The following MAD1L1 variants were observed in gnomAD, a reference collection of about 807,000 sequenced individuals.
MAD1L1 encodes mitotic arrest deficient 1 like 1, also known as mitotic spindle assembly checkpoint protein MAD1.
A neutral mutation model predicts 96.9 loss-of-function variants in MAD1L1; 95 were observed. The observed-to-expected ratio is 0.98, with a 90% CI of 0.83 to 1.16. MAD1L1 has a LOEUF of 1.16. Ranked by LOEUF, MAD1L1 falls within the 50% of genes most tolerant of loss-of-function variation. MAD1L1 has a pLI of 0.00. For missense variants in MAD1L1, 1,007 were observed against 954.4 expected, an observed-to-expected ratio of 1.06 and a Z score of -0.73; for synonymous variants, 473 against 396.6, an observed-to-expected ratio of 1.19 and a Z score of -2.29.
chr7:2,105,052 C>T (rs1363827719), intron 11 of MAD1L1, among the ~76,000 whole-genome samples: 4 of 152,178 alleles, frequency 2.6e-5, no homozygotes, highest in African/African-American at 9.7e-5. Flanking sequence ...AGCCCGGCTT[C>T]CCCAGGGGCC....
At chr7:2,089,570 C>T (rs977950024) in intron 11 of MAD1L1, among the ~76,000 whole-genome samples, 2 of 152,114 alleles carry the variant, frequency 1.3e-5, no homozygotes, top group African/African-American at 4.8e-5. Flanking sequence ...GGGAAAGCAA[C>T]CAAGCCCCAA....
intron 11 of MAD1L1, among the ~76,000 whole-genome samples, chr7:2,125,141 T>A (rs1463017230): frequency 2.0e-5 from 3 of 152,050 alleles, no homozygotes; most frequent in African/African-American, 7.2e-5. Context: ...CACAGAAAGG[T>A]TGCGTCAGAC....
chr7:2,086,082 G>A lies in MAD1L1; in HGVS notation c.1074-16744C>T, dbSNP rs554465528. Among the ~76,000 whole-genome samples, 9 of 152,296 alleles carry A rather than the reference G, an allele frequency of 5.9e-5. No individual in the cohort carries two copies. In the East Asian group the frequency reaches 1.4e-3, roughly 23 times the overall value. ...CGGGAGGACTCCACGCTGCGGGGGA[G>A]GACGGCAAGACCCGTCACCTCCCTC... On this transcript the variant is annotated intron_variant, in intron 11 of 18. Coordinates refer to ENST00000265854, the MANE Select transcript of MAD1L1 (RefSeq NM_001013836.2).
Position 2,037,233 on chromosome 7 carries a change from G to T in MAD1L1, c.1219-22591C>A, listed in dbSNP as rs534087957. Among the ~76,000 whole-genome samples the T allele has an allele frequency of 2.3e-4, 34 of 147,712 alleles. No homozygotes were observed. In the South Asian group the frequency reaches 6.6e-3, roughly 29 times the overall value. ...TTTTTTTTTTTTTTTTTTAGAACGG[G>T]TTTAGATTTAGAAGAATGGAGAAGA... On this transcript the variant is annotated intron_variant, in intron 12 of 18. Coordinates refer to ENST00000265854, the MANE Select transcript of MAD1L1 (RefSeq NM_001013836.2).
chr7:2,078,134 G>A (rs545861541), intron 11 of MAD1L1, among the ~76,000 whole-genome samples: 9 of 152,288 alleles, frequency 5.9e-5, no homozygotes, highest in East Asian at 1.9e-4. Flanking sequence ...AGACCGGCAC[G>A]ACAGACGCAG....
intron 16 of MAD1L1, among the ~76,000 whole-genome samples, chr7:1,942,548 G>A (rs926252790): frequency 1.3e-5 from 2 of 152,160 alleles, no homozygotes; most frequent in Non-Finnish European, 2.9e-5. Flanking sequence ...ACGGCCCTAT[G>A]TCCTATACAA....
At chr7:2,168,807 C>A (rs1252265538) in intron 10 of MAD1L1, among the ~76,000 whole-genome samples, 1 of 152,232 alleles carries the variant, frequency 6.6e-6, no homozygotes, top group Admixed American at 6.5e-5. Context: ...AGGGGGCAGA[C>A]ACACGGGGCG....
At chr7:2,150,955 G>T (rs574203669) in intron 10 of MAD1L1, among the ~76,000 whole-genome samples, 3 of 152,232 alleles carry the variant, frequency 2.0e-5, no homozygotes, top group Non-Finnish European at 4.4e-5. Flanking sequence ...GGCAAACCGG[G>T]GTTAGAAAGC....
intron 12 of MAD1L1, among the ~76,000 whole-genome samples, chr7:2,066,775 G>A (rs1331469845): frequency 6.6e-6 from 1 of 152,212 alleles, no homozygotes; most frequent in Non-Finnish European, 1.5e-5. Flanking sequence ...ATCACGGCCG[G>A]GAGCCCTGGC....
rs190296847 is a variant in MAD1L1 at position 1,953,750 on chromosome 7, T to C, written c.1596+3879A>G. The stretch of plus-strand genomic sequence containing the variant: ...GCAAACTTCCCTCAACTTCACAACG[T>C]ATCTTTAAATGTTCATCATCAAATG... On this transcript the variant is annotated intron_variant, in intron 16 of 18. Coordinates refer to ENST00000265854, the MANE Select transcript of MAD1L1 (RefSeq NM_001013836.2). Among the ~76,000 whole-genome samples, 316 of 152,306 alleles carry C rather than the reference T, an allele frequency of 2.1e-3. 6 individuals are homozygous for C. Among genetic ancestry groups the C allele is most frequent in the Admixed American group, 0.014 (208 of 15,306 alleles).
At chr7:2,081,161 G>C (rs1785624032) in intron 11 of MAD1L1, among the ~76,000 whole-genome samples, 1 of 151,882 alleles carries the variant, frequency 6.6e-6, no homozygotes, top group Admixed American at 6.6e-5. Flanking sequence ...AGCGGGAAGG[G>C]TGTTTGGAAA....
chr7:1,865,148 C>T (rs1025818118), intron 18 of MAD1L1, among the ~76,000 whole-genome samples: 2 of 152,162 alleles, frequency 1.3e-5, no homozygotes, highest in South Asian at 2.1e-4. Flanking sequence ...CTGGGACTCC[C>T]GGAAGGGGGC....
At chr7:2,033,468 C>T (rs1330551829) in intron 12 of MAD1L1, among the ~76,000 whole-genome samples, 1 of 152,344 alleles carries the variant, frequency 6.6e-6, no homozygotes, top group African/African-American at 2.4e-5. Flanking sequence ...TCCCAAAACG[C>T]CACTTAAAAA....
chr7:2,033,797 A>G (rs1315772518), intron 12 of MAD1L1, among the ~76,000 whole-genome samples: 1 of 152,222 alleles, frequency 6.6e-6, no homozygotes, highest in Non-Finnish European at 1.5e-5. Flanking sequence ...ACACCCTTCC[A>G]CTCAGTAACA....
At chr7:1,900,441 C>T (rs1002420007) in intron 17 of MAD1L1, among the ~76,000 whole-genome samples, 12 of 152,206 alleles carry the variant, frequency 7.9e-5, no homozygotes, top group Non-Finnish European at 1.5e-4. Context: ...CCTCCTCCCT[C>T]CGTTGCTGGC....
intron 11 of MAD1L1, among the ~76,000 whole-genome samples, chr7:2,137,851 G>T (rs1425819120): frequency 6.6e-6 from 1 of 152,216 alleles, no homozygotes; most frequent in Admixed American, 6.5e-5. Flanking sequence ...GCAGGAGGTG[G>T]ACGTATGGGG....
intron 18 of MAD1L1, among the ~76,000 whole-genome samples, chr7:1,882,051 G>C (rs1474259340): frequency 2.0e-5 from 3 of 152,116 alleles, no homozygotes; most frequent in Non-Finnish European, 2.9e-5. Flanking sequence ...GCCTCCGCCT[G>C]CTTGAACCTG....
chr7:2,069,351 G>T lies in MAD1L1; in HGVS notation c.1074-13C>A, dbSNP rs1254427434. 1.3e-6 allele frequency: 2 copies of T among 1,575,294 alleles called. No individual in the cohort carries two copies. The highest frequency in any genetic ancestry group is 1.7e-6 in the Non-Finnish European group (2 of 1,166,932). Reference sequence around the variant, plus strand: ...CAGCCCCCGGGCGCTGCATGGGAGAGACAAGAGGGCAAAGCAATGAAGCCT... The same window carrying T: ...CAGCCCCCGGGCGCTGCATGGGAGATACAAGAGGGCAAAGCAATGAAGCCT... On this transcript the variant is annotated splice_polypyrimidine_tract_variant and intron_variant, in intron 11 of 18. Transcript: ENST00000265854.
intron 18 of MAD1L1, chr7:1,849,114 GCACA>G (rs756489441): frequency 9.5e-6 from 1 of 105,034 alleles, no homozygotes; most frequent in Non-Finnish European, 2.0e-5. Flanking sequence ...ACATACACGT[GCACA>G]CACAGACATG....
Sources: gnomAD v4.1 joint callset for allele counts (sites outside exome capture counted in the v4.1 genomes callset) on GRCh38, gnomAD v4.1.1 for gene constraint, MANE v1.5 for transcripts, NCBI Gene and HGNC (gene_info 2026-07-23, HGNC 2026-07-21) for gene names.